The following PDE1A variants were observed in gnomAD, a reference collection of about 807,000 sequenced individuals.
The protein encoded by PDE1A is phosphodiesterase 1A.
PDE1A carries 35 observed loss-of-function variants against 61.7 expected under a neutral mutation model. The observed-to-expected ratio is 0.57, with a 90% CI of 0.43 to 0.75. PDE1A has a LOEUF of 0.75. PDE1A is among the 30% of genes least tolerant of loss of function. PDE1A has a pLI of 0.00. For missense variants in PDE1A, 597 were observed against 630.6 expected, an observed-to-expected ratio of 0.95 and a Z score of 0.57; for synonymous variants, 232 against 213.2, an observed-to-expected ratio of 1.09 and a Z score of -0.77.
At chr2:182,518,665 G>A (rs1444519080) in intron 2 of PDE1A, among the ~76,000 whole-genome samples, 1 of 152,116 alleles carries the variant, frequency 6.6e-6, no homozygotes, top group African/African-American at 2.4e-5. Flanking sequence ...AAGGAACTGG[G>A]GCAGTAAGTA....
At chr2:182,527,327 A>AAT (rs201755672), upstream of PDE1A, among the ~76,000 whole-genome samples, 254 of 20,696 alleles carry the variant, frequency 0.012, 1 homozygote, top group Admixed American at 0.014. Context: ...AAAAAAAAAA[A>AAT]ATATATATAT....
chr2:182,284,616 C>T (rs904377633), intron 1 of PDE1A, among the ~76,000 whole-genome samples: 1 of 151,928 alleles, frequency 6.6e-6, no homozygotes, highest in Admixed American at 6.6e-5. Flanking sequence ...TAAAATGATT[C>T]AGAAGAAAAT....
the PDE1A span, among the ~76,000 whole-genome samples, chr2:182,560,064 C>CT: frequency 0.29 from 40,448 of 140,250 alleles, 6,216 homozygotes; most frequent in East Asian, 0.4. Context: ...GATAGGGATT[C>CT]TTTTTTTTTT....
chr2:182,395,657 G>A (rs1211871775), intron 1 of PDE1A, among the ~76,000 whole-genome samples: 1 of 152,172 alleles, frequency 6.6e-6, no homozygotes, highest in Non-Finnish European at 1.5e-5. Flanking sequence ...CCAGAGCCAG[G>A]CTGCTGTGCA....
At chr2:182,684,494 C>T in the PDE1A span, among the ~76,000 whole-genome samples, 10 of 152,108 alleles carry the variant, frequency 6.6e-5, no homozygotes, top group African/African-American at 1.9e-4. Flanking sequence ...TAAGTAATCA[C>T]GTCAAGAACA....
At chr2:182,367,611 A>G (rs1167303147) in intron 1 of PDE1A, among the ~76,000 whole-genome samples, 1 of 152,108 alleles carries the variant, frequency 6.6e-6, no homozygotes, top group Non-Finnish European at 1.5e-5. Flanking sequence ...TTAATGTGGC[A>G]ATGTAGCAAA....
At position 182,168,424 on chromosome 2, in the gene PDE1A, C is replaced by G. The variant is rs1574540147; in HGVS notation, c.1517-134G>C. Reference sequence around the variant, plus strand: ...ACTGTCGTAAAATTATGAAGAGAAACATAATTGGCATATTTTCCTTAATTT... The same window carrying G: ...ACTGTCGTAAAATTATGAAGAGAAAGATAATTGGCATATTTTCCTTAATTT... On this transcript the variant is annotated intron_variant, in intron 13 of 13. Coordinates refer to ENST00000351439, the Ensembl canonical transcript of PDE1A. 1.3e-5 allele frequency: 10 copies of G among 764,114 alleles called. No individual in the cohort carries two copies. The East Asian group carries it at 2.9e-4, about 22-fold the overall frequency. 47.3% of individuals were successfully genotyped at this position (764,114 alleles called of 1,614,324 possible).
At chr2:182,377,417 G>A (rs759699432) in intron 1 of PDE1A, among the ~76,000 whole-genome samples, 2 of 152,150 alleles carry the variant, frequency 1.3e-5, no homozygotes, top group African/African-American at 2.4e-5. Flanking sequence ...ATGTCAGAGC[G>A]ATGCTTCCTG....
chr2:182,218,429 A>T (rs1688423840), intron 7 of PDE1A, among the ~76,000 whole-genome samples: 2 of 12,082 alleles, frequency 1.7e-4, no homozygotes, highest in Non-Finnish European at 3.3e-4. Flanking sequence ...TAAAAAATTA[A>T]AAAAACAAGA....
At chr2:182,551,281 A>G in the PDE1A span, among the ~76,000 whole-genome samples, 3 of 152,162 alleles carry the variant, frequency 2.0e-5, no homozygotes, top group Admixed American at 6.6e-5. Context: ...TGAAGAGTCA[A>G]TCAAAGGAAT....
the PDE1A span, among the ~76,000 whole-genome samples, chr2:182,660,479 G>A: frequency 6.6e-6 from 1 of 152,154 alleles, no homozygotes; most frequent in East Asian, 1.9e-4. Context: ...TTGTTACATT[G>A]CATGACAAAA....
intron 12 of PDE1A, 63 bp downstream of exon 12, chr2:182,186,405 T>C: frequency 1.3e-6 from 2 of 1,544,534 alleles, no homozygotes; most frequent in East Asian, 2.2e-5. Context: ...AATATAATCA[T>C]TAAGGAAAGT....
At chr2:182,535,844 C>T in the PDE1A span, among the ~76,000 whole-genome samples, 1 of 152,132 alleles carries the variant, frequency 6.6e-6, no homozygotes, top group African/African-American at 2.4e-5. Flanking sequence ...CTACACTGTG[C>T]ATTACGGAAA....
At chr2:182,396,944 C>A (rs1258302002) in intron 1 of PDE1A, among the ~76,000 whole-genome samples, 1 of 152,090 alleles carries the variant, frequency 6.6e-6, no homozygotes, top group Non-Finnish European at 1.5e-5. Flanking sequence ...GTGTTTTTTT[C>A]ATGCATCTAA....
chr2:182,590,116 G>A, the PDE1A span, among the ~76,000 whole-genome samples: 4 of 151,566 alleles, frequency 2.6e-5, 1 homozygote, highest in South Asian at 8.3e-4. Flanking sequence ...GTAAGTAGTG[G>A]AGACGTAGCA....
At chr2:182,708,254 G>A in the PDE1A span, among the ~76,000 whole-genome samples, 1 of 151,862 alleles carries the variant, frequency 6.6e-6, no homozygotes, top group Admixed American at 6.6e-5. Context: ...TCTCCCACCG[G>A]GTCCCTCCCA....
intron 1 of PDE1A, among the ~76,000 whole-genome samples, chr2:182,409,014 A>T (rs1702462114): frequency 6.6e-6 from 1 of 152,190 alleles, no homozygotes; most frequent in South Asian, 2.1e-4. Flanking sequence ...CTGCCTCCAC[A>T]GTAGCTCCTT....
At chr2:182,161,719 T>G (rs1691391577) in intron 13 of PDE1A, among the ~76,000 whole-genome samples, 2 of 152,054 alleles carry the variant, frequency 1.3e-5, no homozygotes, top group South Asian at 4.1e-4. Flanking sequence ...AAAGAACTAC[T>G]TGAGTGTTCT....
At chr2:182,630,267 C>A in the PDE1A span, among the ~76,000 whole-genome samples, 1 of 151,920 alleles carries the variant, frequency 6.6e-6, no homozygotes, top group Admixed American at 6.6e-5. Context: ...TTAATTCATC[C>A]CAAATTTATC....
Sources: gnomAD v4.1 joint callset for allele counts (sites outside exome capture counted in the v4.1 genomes callset) on GRCh38, gnomAD v4.1.1 for gene constraint, MANE v1.5 for transcripts, NCBI Gene and HGNC (gene_info 2026-07-23, HGNC 2026-07-21) for gene names.